The following SUPT3H variants were observed in gnomAD, a reference collection of about 807,000 sequenced individuals.
SUPT3H encodes transcription initiation protein SPT3 homolog.
Under a neutral mutation model 44.3 loss-of-function variants are expected in SUPT3H, and 44 were observed. That is an observed-to-expected ratio of 0.99 (90% confidence interval 0.78 to 1.28). SUPT3H has a LOEUF of 1.28. Among genes scored for constraint, SUPT3H ranks in the 50% most tolerant of loss-of-function variants. The pLI, the probability that SUPT3H is intolerant of heterozygous loss-of-function variation, is 0.00. For synonymous variants in SUPT3H, 124 were observed against 125.6 expected, an observed-to-expected ratio of 0.99 and a Z score of 0.09; for missense variants, 380 against 387.1, an observed-to-expected ratio of 0.98 and a Z score of 0.15.
chr6:45,333,301 T>C (rs765350142), intron 2 of SUPT3H, among the ~76,000 whole-genome samples: 6 of 151,584 alleles, frequency 4.0e-5, no homozygotes, highest in Non-Finnish European at 7.4e-5. Flanking sequence ...TTAACCACAG[T>C]CAACCACAAG....
chr6:45,032,445 G>C (rs941235692), intron 3 of SUPT3H, among the ~76,000 whole-genome samples: 2 of 152,108 alleles, frequency 1.3e-5, no homozygotes, highest in Non-Finnish European at 2.9e-5. Flanking sequence ...GTATTGCTTA[G>C]GGATGGCTCA....
intron 7 of SUPT3H, 98 bp from the exon 8 acceptor site, chr6:44,954,705 T>A: frequency 1.4e-6 from 1 of 699,576 alleles, no homozygotes. Flanking sequence ...TACTCAGAAT[T>A]GTACACAAAA....
At chr6:45,033,385 T>C (rs1472040413) in intron 3 of SUPT3H, among the ~76,000 whole-genome samples, 1 of 152,158 alleles carries the variant, frequency 6.6e-6, no homozygotes, top group Non-Finnish European at 1.5e-5. Flanking sequence ...ATATACTTAT[T>C]GAGCACCTAG....
At chr6:45,273,855 G>A (rs1776598318) in intron 2 of SUPT3H, among the ~76,000 whole-genome samples, 1 of 152,012 alleles carries the variant, frequency 6.6e-6, no homozygotes, top group Admixed American at 6.6e-5. Context: ...CGATCACGTG[G>A]GAAATCTGTA....
chr6:45,133,928 C>T (rs371796225), intron 2 of SUPT3H, among the ~76,000 whole-genome samples: 5 of 152,218 alleles, frequency 3.3e-5, no homozygotes, highest in East Asian at 1.9e-4. Flanking sequence ...ATTTGGATCC[C>T]TGCAAAATTC....
intron 2 of SUPT3H, among the ~76,000 whole-genome samples, chr6:45,271,658 T>C (rs1315681926): frequency 6.6e-6 from 1 of 152,094 alleles, no homozygotes; most frequent in African/African-American, 2.4e-5. Context: ...AAATGTGTGG[T>C]TGGAGCCTCC....
At chr6:45,168,264 C>T (rs74642280) in intron 2 of SUPT3H, among the ~76,000 whole-genome samples, 4 of 152,108 alleles carry the variant, frequency 2.6e-5, no homozygotes, top group Admixed American at 6.5e-5. Context: ...GATACAGTAA[C>T]GGGCTAAATA....
chr6:44,862,634 C>T (rs138231172), intron 10 of SUPT3H, among the ~76,000 whole-genome samples: 2 of 149,674 alleles, frequency 1.3e-5, no homozygotes, highest in African/African-American at 4.9e-5. Flanking sequence ...GCCAAGATTG[C>T]GCCACTGCAC....
At chr6:44,880,675 A>C (rs1219790303) in intron 10 of SUPT3H, among the ~76,000 whole-genome samples, 1 of 152,200 alleles carries the variant, frequency 6.6e-6, no homozygotes, top group Non-Finnish European at 1.5e-5. Context: ...GGGCAGCCAG[A>C]GAGTAAGAAA....
intron 3 of SUPT3H, among the ~76,000 whole-genome samples, chr6:45,030,617 A>G (rs989828911): frequency 1.3e-5 from 2 of 152,184 alleles, no homozygotes; most frequent in Non-Finnish European, 2.9e-5. Flanking sequence ...TCAGGGTACT[A>G]AAAGCACTGA....
intron 10 of SUPT3H, among the ~76,000 whole-genome samples, chr6:44,859,325 A>G (rs549323347): frequency 7.7e-4 from 117 of 152,314 alleles, no homozygotes; most frequent in Non-Finnish European, 1.5e-3. Context: ...ACATTTTTAG[A>G]GCTTGCTGGA....
chr6:45,091,151 C>T (rs1043886493), intron 3 of SUPT3H, among the ~76,000 whole-genome samples: 6 of 151,770 alleles, frequency 4.0e-5, no homozygotes, highest in African/African-American at 1.4e-4. Flanking sequence ...ATAACTTATG[C>T]CTACATTATG....
intron 2 of SUPT3H, among the ~76,000 whole-genome samples, chr6:45,283,631 A>G (rs1010726348): frequency 1.3e-5 from 2 of 152,176 alleles, no homozygotes; most frequent in African/African-American, 4.8e-5. Context: ...CCACACGATA[A>G]TAATGGGAGA....
rs1344688098 is a variant in SUPT3H, at chr6:45,117,501, A to G, written c.102-11495T>C. Among the ~76,000 whole-genome samples the G allele has an allele frequency of 2.0e-5, 3 of 152,134 alleles. No homozygotes were observed. The East Asian group carries it at 5.8e-4, about 29-fold the overall frequency. ...AGATTGATGTCAAGTTCATCAGGGT[A>G]TAATGACTAGAATCTCCTTCACCCA... On this transcript the variant is annotated intron_variant, in intron 2 of 10. Coordinates refer to ENST00000371459, the MANE Select transcript of SUPT3H (RefSeq NM_003599.4).
intron 2 of SUPT3H, among the ~76,000 whole-genome samples, chr6:45,268,250 T>C (rs1775565478): frequency 6.6e-6 from 1 of 152,152 alleles, no homozygotes; most frequent in South Asian, 2.1e-4. Flanking sequence ...CAATTCACAC[T>C]TTTAGAAATT....
intron 3 of SUPT3H, among the ~76,000 whole-genome samples, chr6:45,086,988 T>G (rs2153560920): frequency 6.6e-6 from 1 of 152,030 alleles, no homozygotes; most frequent in Non-Finnish European, 1.5e-5. Context: ...AATTACATAA[T>G]TCGGTTAACA....
At chr6:45,151,276 T>C (rs1806929766) in intron 2 of SUPT3H, among the ~76,000 whole-genome samples, 1 of 152,132 alleles carries the variant, frequency 6.6e-6, no homozygotes, top group Non-Finnish European at 1.5e-5. Flanking sequence ...TCATCTAGTA[T>C]TTTTAATTCA....
intron 2 of SUPT3H, among the ~76,000 whole-genome samples, chr6:45,117,568 T>C (rs115275949): frequency 0.018 from 2,669 of 152,176 alleles, 50 homozygotes; most frequent in South Asian, 0.085. Flanking sequence ...AAATTACAAC[T>C]TTATTACACT....
At chr6:45,230,687 T>TATATATATATATATC (rs1562747092) in intron 2 of SUPT3H, among the ~76,000 whole-genome samples, 2 of 99,690 alleles carry the variant, frequency 2.0e-5, no homozygotes, top group African/African-American at 4.8e-5. Flanking sequence ...TATATATATA[T>TATATATATATATATC]TTTTGAGATG....
Sources: gnomAD v4.1 joint callset for allele counts (sites outside exome capture counted in the v4.1 genomes callset) on GRCh38, gnomAD v4.1.1 for gene constraint, MANE v1.5 for transcripts, NCBI Gene and HGNC (gene_info 2026-07-23, HGNC 2026-07-21) for gene names.